Variants in TMCC3 observed in about 807,000 individuals in gnomAD.
TMCC3 encodes transmembrane and coiled-coil domain family 3.
Under a neutral mutation model 40.2 loss-of-function variants are expected in TMCC3, and 28 were observed. That is an observed-to-expected ratio of 0.70 (90% CI 0.52 to 0.95). The LOEUF is 0.95. Among genes scored for constraint, TMCC3 ranks in the 40% least tolerant of loss-of-function variants. TMCC3 has a pLI of 0.00. For synonymous variants in TMCC3, 255 were observed against 248.5 expected (o/e 1.03, Z -0.25); for missense variants, 554 against 615.2 (o/e 0.90, Z 1.05).
At chr12:94,597,197 C>T (rs1246782307) in intron 1 of TMCC3, among the ~76,000 whole-genome samples, 1 of 141,280 alleles carries the variant, frequency 7.1e-6, no homozygotes, top group Non-Finnish European at 1.5e-5. Context: ...TGCCTGTAGT[C>T]GCAGCTACTC....
intron 1 of TMCC3, among the ~76,000 whole-genome samples, chr12:94,632,752 A>T (rs2068940161): frequency 6.6e-6 from 1 of 152,242 alleles, no homozygotes; most frequent in African/African-American, 2.4e-5. Flanking sequence ...GGTTTTATTC[A>T]TGTAGCAAAA....
At chr12:94,627,118 G>A (rs117266882) in intron 1 of TMCC3, among the ~76,000 whole-genome samples, 5,172 of 152,152 alleles carry the variant, frequency 0.034, 215 homozygotes, top group East Asian at 0.23. Context: ...CACCTCCCAA[G>A]ATGCTGGGAT....
intron 3 of TMCC3, among the ~76,000 whole-genome samples, chr12:94,572,788 A>G (rs561701910): frequency 5.3e-4 from 80 of 152,214 alleles, no homozygotes; most frequent in Admixed American, 3.5e-3. Flanking sequence ...ATTTTTGTCC[A>G]TCAGTTAGAG....
intron 1 of TMCC3, among the ~76,000 whole-genome samples, chr12:94,617,717 T>C (rs933995477): frequency 6.6e-6 from 1 of 152,186 alleles, no homozygotes; most frequent in Admixed American, 6.5e-5. Context: ...AAATAACAAA[T>C]GCAAAGATCT....
At position 94,570,555 on chromosome 12, in the gene TMCC3, G is replaced by A. The variant is rs1226761368; in HGVS notation, c.*880C>T. On this transcript the variant is annotated 3_prime_UTR_variant, in exon 4 of 4. Transcript: ENST00000261226. ...GAGGATCCCTTGAAGCAAGGAGTTTGCAACCAGCCTGAGCAATATTTAGCA... is the reference window on the plus strand; with the variant it reads ...GAGGATCCCTTGAAGCAAGGAGTTTACAACCAGCCTGAGCAATATTTAGCA... 1.3e-5 allele frequency: 2 copies of A among 152,216 alleles called. No individual in the cohort carries two copies. The highest frequency in any genetic ancestry group is 4.8e-5 in the African/African-American group (2 of 41,446). 9.4% of individuals were successfully genotyped at this position (152,216 alleles called of 1,614,324 possible). A position where few individuals can be genotyped will look rare whatever the true frequency, so the allele number is the denominator to read the frequency against.
At position 94,581,657 on chromosome 12, in the gene TMCC3, A is replaced by T. The variant is rs769976392; in HGVS notation, c.960T>A (p.Gly320=). ...CCTCTTGCAGGGTCTGAGAAATAAA[A>T]CCATATTCTCTCTTAAACTGCACCT... ...ALKVQFKREY[G]FISQTLQEER... is the part of the protein sequence containing the mutation. The change falls in exon 2 of 4, where the codon GGT becomes GGA. Residue 320 remains glycine (G), a synonymous_variant. Coordinates refer to ENST00000261226, the MANE Select transcript of TMCC3 (RefSeq NM_020698.4). The T allele has an allele frequency of 4.2e-5, 68 of 1,602,756 alleles. No individual in the cohort carries two copies. The highest frequency in any genetic ancestry group is 5.4e-5 in the Non-Finnish European group (63 of 1,171,620).
chr12:94,578,357 A>T (rs1432925877), intron 3 of TMCC3, 37 bp downstream of exon 3: 4 of 1,589,842 alleles, frequency 2.5e-6, no homozygotes, highest in Non-Finnish European at 3.4e-6. Flanking sequence ...GCTCGGGAAG[A>T]GCCCAGGCCT....
At chr12:94,598,661 C>T in intron 1 of TMCC3, 1 of 985,418 alleles carries the variant, frequency 1.0e-6, no homozygotes, top group Non-Finnish European at 1.2e-6. Flanking sequence ...CCAGCAGGTT[C>T]TACAGTCATT....
intron 1 of TMCC3, among the ~76,000 whole-genome samples, chr12:94,585,092 G>A (rs1356813073): frequency 6.6e-6 from 1 of 152,100 alleles, no homozygotes; most frequent in Non-Finnish European, 1.5e-5. Context: ...TGATTTTGCT[G>A]GAGATATTAT....
At chr12:94,622,907 G>A (rs1029963168) in intron 1 of TMCC3, among the ~76,000 whole-genome samples, 4 of 151,114 alleles carry the variant, frequency 2.6e-5, no homozygotes, top group African/African-American at 4.9e-5. Context: ...TTTTATGTAG[G>A]CTCACCTGAA....
intron 1 of TMCC3, among the ~76,000 whole-genome samples, chr12:94,617,894 G>A (rs1211658134): frequency 6.6e-6 from 1 of 152,210 alleles, no homozygotes; most frequent in Non-Finnish European, 1.5e-5. Flanking sequence ...AAGAGGAAGA[G>A]TGTCTATCAA....
At chr12:94,606,233 G>T (rs1184843512) in intron 1 of TMCC3, among the ~76,000 whole-genome samples, 3 of 152,178 alleles carry the variant, frequency 2.0e-5, no homozygotes, top group Non-Finnish European at 2.9e-5. Context: ...TACTGCCTGT[G>T]TGCAGAAGTA....
intron 1 of TMCC3, among the ~76,000 whole-genome samples, chr12:94,642,114 T>C (rs1193181035): frequency 6.6e-6 from 1 of 152,148 alleles, no homozygotes; most frequent in Non-Finnish European, 1.5e-5. Context: ...TCATACCTAC[T>C]GAAAATAATT....
rs2068528795 is a variant in TMCC3, at chr12:94,571,594, G to A, written c.1275C>T (p.Ile425=). ...TCGCGATGGTGGACACACACACTAAGATGACAGTCATGAAGGCCAGGATCA... is the reference window on the plus strand; with the variant it reads ...TCGCGATGGTGGACACACACACTAAAATGACAGTCATGAAGGCCAGGATCA... The part of the protein sequence containing the change: ...INVILAFMTV[I]LVCVSTIAKF... The change falls in exon 4 of 4, where the codon ATC becomes ATT. Residue 425 remains isoleucine, a synonymous_variant. Coordinates refer to ENST00000261226, the MANE Select transcript of TMCC3 (RefSeq NM_020698.4). 1.2e-6 allele frequency: 2 copies of A among 1,614,180 alleles called. No homozygotes were observed. Among genetic ancestry groups the A allele is most frequent in the Non-Finnish European group, 1.7e-6 (2 of 1,180,038 alleles).
chr12:94,597,120 A>AATATATATATATATAT lies in TMCC3; in HGVS notation c.79-14583_79-14582insATATATATATATATAT, dbSNP rs768080145. ...CACAGTAAGTCACTGTCTCTATTAA[A>AATATATATATATATAT]ATACATATATATATATATATATATA... On this transcript the variant is annotated intron_variant, in intron 1 of 3. Transcript: ENST00000261226. Among the ~76,000 whole-genome samples the AATATATATATATATAT allele has an allele frequency of 2.0e-3, 11 of 5,474 alleles. 1 individual carries two copies. Among genetic ancestry groups the AATATATATATATATAT allele is most frequent in the African/African-American group, 4.9e-3 (11 of 2,232 alleles). 3.6% of individuals were successfully genotyped at this position (5,474 alleles called of 152,430 possible).
At chr12:94,588,090 G>A (rs1594272412) in intron 1 of TMCC3, among the ~76,000 whole-genome samples, 1 of 152,244 alleles carries the variant, frequency 6.6e-6, no homozygotes, top group East Asian at 1.9e-4. Context: ...CCTCTGCAAT[G>A]AACCAGGCCT....
At chr12:94,638,286 T>C (rs1373657127) in intron 1 of TMCC3, among the ~76,000 whole-genome samples, 2 of 152,224 alleles carry the variant, frequency 1.3e-5, no homozygotes, top group African/African-American at 4.8e-5. Context: ...TGGGACATGC[T>C]CTTTCCCCCA....
intron 1 of TMCC3, among the ~76,000 whole-genome samples, chr12:94,625,111 C>T (rs2068896622): frequency 6.9e-6 from 1 of 144,550 alleles, no homozygotes; most frequent in African/African-American, 2.6e-5. Context: ...CATTGCATTC[C>T]AGCCTGGGCA....
intron 1 of TMCC3, among the ~76,000 whole-genome samples, chr12:94,614,269 T>G (rs1221273623): frequency 6.6e-6 from 1 of 152,150 alleles, no homozygotes; most frequent in African/African-American, 2.4e-5. Context: ...AGACCCTACT[T>G]AAATTGTGAC....
Sources: allele counts gnomAD v4.1 joint callset (sites outside exome capture counted in the v4.1 genomes callset), GRCh38; gene constraint gnomAD v4.1.1; transcripts MANE v1.5; gene names NCBI Gene and HGNC (gene_info 2026-07-23, HGNC 2026-07-21).